Variants in THSD7A observed in about 807,000 individuals in gnomAD.
THSD7A encodes the protein thrombospondin type 1 domain containing 7A, also known as thrombospondin type-1 domain-containing protein 7A.
THSD7A carries 96 observed loss-of-function variants against 231.3 expected under a neutral mutation model. That is an observed-to-expected ratio of 0.41 (90% CI 0.35 to 0.49). The LOEUF (loss-of-function observed/expected upper bound fraction) is 0.49. Ranked by LOEUF, THSD7A falls within the 20% of genes least tolerant of loss-of-function variation. THSD7A has a pLI of 0.05. For missense variants in THSD7A, 2,290 were observed against 2,070.2 expected, an observed-to-expected ratio of 1.11 and a Z score of -2.06; for synonymous variants, 940 against 743.3, an observed-to-expected ratio of 1.26 and a Z score of -4.30.
chr7:11,750,683 G>A (rs139506007), intron 1 of THSD7A, among the ~76,000 whole-genome samples: 1 of 152,118 alleles, frequency 6.6e-6, no homozygotes, highest in East Asian at 1.9e-4. Flanking sequence ...TATATGGCCA[G>A]TCTCTACTCA....
intron 1 of THSD7A, among the ~76,000 whole-genome samples, chr7:11,745,246 G>C (rs1782249373): frequency 6.6e-6 from 1 of 152,052 alleles, no homozygotes; most frequent in African/African-American, 2.4e-5. Flanking sequence ...GTCTTCTTCT[G>C]AGAAATGTCT....
intron 1 of THSD7A, among the ~76,000 whole-genome samples, chr7:11,675,524 A>C (rs2883566): frequency 0.52 from 78,883 of 152,060 alleles, 20,588 homozygotes; most frequent in Admixed American, 0.57. Flanking sequence ...GCTTGAAATT[A>C]TTGCTGCCAG....
chr7:11,434,845 C>A (rs374756386), intron 13 of THSD7A, among the ~76,000 whole-genome samples: 1 of 151,874 alleles, frequency 6.6e-6, no homozygotes, highest in African/African-American at 2.4e-5. Flanking sequence ...TGATCTGATA[C>A]CTGGGGCAAC....
intron 23 of THSD7A, among the ~76,000 whole-genome samples, chr7:11,386,112 A>G (rs1469756203): frequency 6.6e-6 from 1 of 152,160 alleles, no homozygotes; most frequent in African/African-American, 2.4e-5. Context: ...TACCTAGTCT[A>G]TCATTGATGG....
At chr7:11,525,461 A>G (rs1043029316) in intron 6 of THSD7A, among the ~76,000 whole-genome samples, 1 of 152,190 alleles carries the variant, frequency 6.6e-6, no homozygotes, top group African/African-American at 2.4e-5. Flanking sequence ...CATGAAGCTT[A>G]AACAACTTAC....
At position 11,469,875 on chromosome 7, in the gene THSD7A, A is replaced by G; in HGVS notation, c.2368+4T>C. 1.3e-6 allele frequency: 2 copies of G among 1,576,018 alleles called. No homozygotes were observed. Among genetic ancestry groups the G allele is most frequent in the Non-Finnish European group, 1.7e-6 (2 of 1,154,806 alleles). On this transcript the variant is annotated splice_donor_region_variant and intron_variant, in intron 9 of 27. Coordinates refer to ENST00000423059, the MANE Select transcript of THSD7A (RefSeq NM_015204.3). ...AACAGCCTTCCTAACTCTGCAGACC[A>G]TACCTTCTTTACACGAAGAGGGGCA...
At chr7:11,605,435 C>G (rs1235298332) in intron 2 of THSD7A, among the ~76,000 whole-genome samples, 2 of 152,070 alleles carry the variant, frequency 1.3e-5, no homozygotes, top group Non-Finnish European at 2.9e-5. Context: ...TTAGTCTAAT[C>G]TAAAGTTTTG....
chr7:11,686,747 T>C (rs1328791548), intron 1 of THSD7A, among the ~76,000 whole-genome samples: 1 of 151,810 alleles, frequency 6.6e-6, no homozygotes, highest in Non-Finnish European at 1.5e-5. Context: ...AACAAAATAC[T>C]GCATGTTCTC....
chr7:11,499,165 C>T (rs115264146), intron 6 of THSD7A, among the ~76,000 whole-genome samples: 1,522 of 152,168 alleles, frequency 0.01, 13 homozygotes, highest in South Asian at 0.032. Context: ...CAAGGAGAGG[C>T]GGTCAGTCCA....
chr7:11,655,528 C>T (rs1319545599), intron 1 of THSD7A, among the ~76,000 whole-genome samples: 1 of 151,814 alleles, frequency 6.6e-6, no homozygotes, highest in Non-Finnish European at 1.5e-5. Context: ...GTTCCTTCTT[C>T]CTAATAAGAC....
chr7:11,461,691 C>G (rs560028073), intron 10 of THSD7A, among the ~76,000 whole-genome samples: 1 of 152,268 alleles, frequency 6.6e-6, no homozygotes, highest in African/African-American at 2.4e-5. Context: ...GAATTTCTTC[C>G]TAAAGTATAC....
rs994793272 is a variant in THSD7A at position 11,733,290 on chromosome 7, C to T, written c.191-96329G>A. On this transcript the variant is annotated intron_variant, in intron 1 of 27. Transcript: ENST00000423059. ...TGTCAGTAACAGCCCTGTTGTTATC[C>T]CCATGAATTTTCATTTGATAGAAAT... Among the ~76,000 whole-genome samples the T allele has an allele frequency of 4.6e-5, 7 of 151,794 alleles. No homozygotes were observed. The East Asian group carries it at 1.4e-3, about 30-fold the overall frequency.
chr7:11,799,035 G>T (rs1304226292), intron 1 of THSD7A, among the ~76,000 whole-genome samples: 1 of 151,764 alleles, frequency 6.6e-6, no homozygotes. Flanking sequence ...TGATTCTCCC[G>T]CTTCAGACTC....
chr7:11,807,012 CTCTT>C (rs1784416232), intron 1 of THSD7A, among the ~76,000 whole-genome samples: 1 of 151,858 alleles, frequency 6.6e-6, no homozygotes, highest in African/African-American at 2.4e-5. Context: ...ATATATATAT[CTCTT>C]TCTTCTTCTT....
intron 1 of THSD7A, among the ~76,000 whole-genome samples, chr7:11,666,509 G>T (rs1783139015): frequency 6.6e-6 from 1 of 151,846 alleles, no homozygotes; most frequent in Non-Finnish European, 1.5e-5. Flanking sequence ...TTAACTTGTT[G>T]TTAACTTATG....
At position 11,769,154 on chromosome 7, in the gene THSD7A, T is replaced by TATATATATATCTATATA. The variant is rs1554275711; in HGVS notation, c.190+62602_190+62603insTATATAGATATATATAT. On this transcript the variant is annotated intron_variant, in intron 1 of 27. Transcript: ENST00000423059. ...ATATATATATATATATATATATATATTTTTTTTTTTTTTTGGTATTTTTGT... is the reference window on the plus strand; with the variant it reads ...ATATATATATATATATATATATATATATATATATATCTATATATTTTTTTTTTTTTTGGTATTTTTGT... Among the ~76,000 whole-genome samples the TATATATATATCTATATA allele has an allele frequency of 1.7e-4, 5 of 29,390 alleles. No homozygotes were observed. In the East Asian group the frequency reaches 3.2e-3, roughly 19 times the overall value. 19.3% of individuals were successfully genotyped at this position (29,390 alleles called of 152,430 possible).
chr7:11,481,554 A>T (rs1052562290), intron 7 of THSD7A, among the ~76,000 whole-genome samples: 1 of 152,152 alleles, frequency 6.6e-6, no homozygotes, highest in African/African-American at 2.4e-5. Flanking sequence ...GGGTGGGAAA[A>T]AGCAAAATGA....
intron 6 of THSD7A, among the ~76,000 whole-genome samples, chr7:11,529,746 C>T (rs988920721): frequency 4.6e-5 from 7 of 152,094 alleles, no homozygotes; most frequent in Non-Finnish European, 1.0e-4. Flanking sequence ...ATAAATTAGC[C>T]AGTCTCAGAT....
Position 11,541,517 on chromosome 7 carries a change from T to C in THSD7A, c.1724A>G (p.Asp575Gly), listed in dbSNP as rs1270535303. 1 of 1,613,932 alleles carries C rather than the reference T, an allele frequency of 6.2e-7. No homozygotes were observed. Among genetic ancestry groups the C allele is most frequent in the Non-Finnish European group, 8.5e-7 (1 of 1,179,860 alleles). The change falls in exon 6 of 28, where the codon GAC becomes GGC. Residue 575 changes from aspartate (D) to glycine (G), a missense_variant. Transcript: ENST00000423059. ...GTTTCCCAGTCTCACTGCTTTCCAGTCATAACAGGCAGGCTCTTCACAGGG... is the reference window on the plus strand; with the variant it reads ...GTTTCCCAGTCTCACTGCTTTCCAGCCATAACAGGCAGGCTCTTCACAGGG... ...AIPCEEPACY[D>G]WKAVRLGNCE...
Sources: gnomAD v4.1 joint callset for allele counts (sites outside exome capture counted in the v4.1 genomes callset) on GRCh38, gnomAD v4.1.1 for gene constraint, MANE v1.5 for transcripts, NCBI Gene and HGNC (gene_info 2026-07-23, HGNC 2026-07-21) for gene names.